MAGI2: variants seen among roughly 807,000 people sequenced by gnomAD.
MAGI2 encodes membrane associated guanylate kinase, WW and PDZ domain containing 2, also known as membrane-associated guanylate kinase, WW and PDZ domain-containing protein 2.
A neutral mutation model predicts 133.3 loss-of-function variants in MAGI2; 35 were observed. That is an observed-to-expected ratio of 0.26 (90% CI 0.20 to 0.35). The LOEUF (loss-of-function observed/expected upper bound fraction) is 0.35, where lower values mean the gene tolerates loss of function less well. Among genes scored for constraint, MAGI2 ranks in the 10% least tolerant of loss-of-function variants. The pLI is 1.00. For missense variants in MAGI2, 1,636 were observed against 1,863.4 expected (o/e 0.88, Z 2.25); for synonymous variants, 729 against 710.6 (o/e 1.03, Z -0.41).
chr7:78,259,771 A>G (rs1793339329), intron 9 of MAGI2, among the ~76,000 whole-genome samples: 1 of 152,158 alleles, frequency 6.6e-6, no homozygotes, highest in African/African-American at 2.4e-5. Context: ...CTCTGCCAGA[A>G]TTTCACGGGA....
chr7:78,398,331 C>T (rs911565568), intron 6 of MAGI2, among the ~76,000 whole-genome samples: 3 of 152,082 alleles, frequency 2.0e-5, no homozygotes, highest in Non-Finnish European at 4.4e-5. Context: ...TGAAATTGCA[C>T]CTCTCAACTT....
intron 10 of MAGI2, chr7:78,253,847 G>C (rs1356260493): frequency 6.6e-6 from 1 of 152,144 alleles, no homozygotes; most frequent in Non-Finnish European, 1.5e-5. Flanking sequence ...CTGCGACTCA[G>C]CTCTTGAGTC....
At chr7:78,491,453 A>G (rs1474329916) in intron 5 of MAGI2, among the ~76,000 whole-genome samples, 1 of 152,128 alleles carries the variant, frequency 6.6e-6, no homozygotes, top group Non-Finnish European at 1.5e-5. Context: ...TGGAATAAAG[A>G]GAAGGTATTC....
intron 6 of MAGI2, chr7:78,487,025 C>T (rs1793093811): frequency 5.8e-6 from 3 of 513,024 alleles, no homozygotes; most frequent in Admixed American, 2.0e-5. Context: ...AGAAATGTAA[C>T]CAACGAAGGA....
chr7:78,976,063 C>A (rs990036242), intron 2 of MAGI2, among the ~76,000 whole-genome samples: 4 of 151,576 alleles, frequency 2.6e-5, no homozygotes, highest in African/African-American at 9.7e-5. Context: ...TCCAGATTAG[C>A]ACTTTCCTAC....
At chr7:78,242,648 GC>G (rs1791280866) in intron 10 of MAGI2, among the ~76,000 whole-genome samples, 1 of 152,260 alleles carries the variant, frequency 6.6e-6, no homozygotes, top group African/African-American at 2.4e-5. Context: ...AATACCTGGT[GC>G]TTTTCTCTCT....
intron 3 of MAGI2, among the ~76,000 whole-genome samples, chr7:78,573,387 T>A (rs1320654517): frequency 1.4e-5 from 1 of 71,114 alleles, no homozygotes; most frequent in Non-Finnish European, 2.3e-5. Flanking sequence ...TATATATATA[T>A]ATATATATAT....
intron 1 of MAGI2, among the ~76,000 whole-genome samples, chr7:79,265,260 C>A (rs1378273594): frequency 6.6e-6 from 1 of 151,952 alleles, no homozygotes; most frequent in Non-Finnish European, 1.5e-5. Flanking sequence ...TGCGGTGGGC[C>A]CTGAGTCCAA....
intron 6 of MAGI2, among the ~76,000 whole-genome samples, chr7:78,408,043 C>G (rs534230713): frequency 6.6e-6 from 1 of 152,152 alleles, no homozygotes; most frequent in Admixed American, 6.6e-5. Flanking sequence ...GCAGACCATT[C>G]CAGATATTTC....
intron 2 of MAGI2, among the ~76,000 whole-genome samples, chr7:78,669,601 G>A (rs76675005): frequency 0.015 from 2,268 of 149,776 alleles, 47 homozygotes; most frequent in African/African-American, 0.053. Flanking sequence ...TACCAAAGCC[G>A]GGCAGAGACA....
chr7:78,231,019 A>G (rs1789912246), intron 10 of MAGI2, among the ~76,000 whole-genome samples: 1 of 152,252 alleles, frequency 6.6e-6, no homozygotes, highest in Non-Finnish European at 1.5e-5. Context: ...TCACTGGACC[A>G]GGATCAATCA....
chr7:78,489,932 A>C, intron 5 of MAGI2, 92 bp from the exon 6 acceptor site: 2 of 908,838 alleles, frequency 2.2e-6, no homozygotes, highest in Non-Finnish European at 3.4e-6. Flanking sequence ...AGTCCAACAA[A>C]ATTGCAATCG....
intron 3 of MAGI2, among the ~76,000 whole-genome samples, chr7:78,564,918 C>G (rs568515956): frequency 1.3e-5 from 2 of 150,738 alleles, no homozygotes; most frequent in African/African-American, 4.9e-5. Flanking sequence ...CTGAGCCTCC[C>G]GAGCTGCTGG....
intron 7 of MAGI2, among the ~76,000 whole-genome samples, chr7:78,346,475 G>A (rs1027955234): frequency 3.9e-5 from 6 of 152,206 alleles, no homozygotes; most frequent in Non-Finnish European, 5.9e-5. Flanking sequence ...TTCATTGATA[G>A]AGTATAGCAA....
chr7:78,258,241 T>C (rs1425454171), intron 9 of MAGI2, among the ~76,000 whole-genome samples: 1 of 152,218 alleles, frequency 6.6e-6, no homozygotes, highest in African/African-American at 2.4e-5. Context: ...TCCCTCACTG[T>C]TATTATAATT....
intron 1 of MAGI2, among the ~76,000 whole-genome samples, chr7:79,313,294 A>G (rs1286267602): frequency 6.6e-6 from 1 of 152,162 alleles, no homozygotes; most frequent in Non-Finnish European, 1.5e-5. Flanking sequence ...GATTTCCAAA[A>G]TTGGTTTTAA....
rs115706438 is a variant in MAGI2, at chr7:78,630,225, A to T, written c.419-2986T>A. On this transcript the variant is annotated intron_variant, in intron 2 of 21. Transcript: ENST00000354212. ...TAGTAATTTTTTCTTGATTTTTTTTAAAAAATGAGAGTTTAACTCTTTTTT... is the reference window on the plus strand; with the variant it reads ...TAGTAATTTTTTCTTGATTTTTTTTTAAAAATGAGAGTTTAACTCTTTTTT... Among the ~76,000 whole-genome samples, 1,400 of 151,768 alleles carry T rather than the reference A, an allele frequency of 9.2e-3. 22 individuals carry two copies. Among genetic ancestry groups the T allele is most frequent in the African/African-American group, 0.032 (1,328 of 41,396 alleles).
intron 9 of MAGI2, among the ~76,000 whole-genome samples, chr7:78,282,260 T>TACCA (rs1201986333): frequency 6.6e-6 from 1 of 152,154 alleles, no homozygotes; most frequent in Non-Finnish European, 1.5e-5. Flanking sequence ...CTGGTTCTTC[T>TACCA]ACCACTCGGA....
chr7:78,624,069 C>T (rs952014292), intron 3 of MAGI2, among the ~76,000 whole-genome samples: 4 of 152,028 alleles, frequency 2.6e-5, no homozygotes, highest in African/African-American at 9.7e-5. Flanking sequence ...ATTTGTGTTT[C>T]TTTAATGATC....
Sources: allele counts gnomAD v4.1 joint callset (sites outside exome capture counted in the v4.1 genomes callset), GRCh38; gene constraint gnomAD v4.1.1; transcripts MANE v1.5; gene names NCBI Gene and HGNC (gene_info 2026-07-23, HGNC 2026-07-21).